Variants in DNAH11 observed in about 807,000 individuals in gnomAD.
DNAH11 encodes the protein axonemal beta dynein heavy chain 11.
Under a neutral mutation model 526.0 loss-of-function variants are expected in DNAH11, and 442 were observed. The observed-to-expected ratio is 0.84, with a 90% CI of 0.78 to 0.91. The LOEUF is 0.91. Ranked by LOEUF, DNAH11 falls within the 40% of genes least tolerant of loss-of-function variation. The pLI is 0.00. For synonymous variants in DNAH11, 2,461 were observed against 1,935.9 expected (o/e 1.27, Z -7.12); for missense variants, 6,989 against 5,448.7 (o/e 1.28, Z -8.90).
At chr7:21,567,494 A>G (rs1314066045) in intron 6 of DNAH11, among the ~76,000 whole-genome samples, 2 of 152,188 alleles carry the variant, frequency 1.3e-5, no homozygotes, top group Non-Finnish European at 1.5e-5. Flanking sequence ...CTTAAATTGG[A>G]TAGATCTCAT....
At chr7:21,810,476 A>G (rs1189342527) in intron 63 of DNAH11, among the ~76,000 whole-genome samples, 1 of 152,218 alleles carries the variant, frequency 6.6e-6, no homozygotes, top group African/African-American at 2.4e-5. Flanking sequence ...ACTTTAGGGA[A>G]GTAGGAAAAT....
At chr7:21,624,398 G>T (rs1465629384) in intron 25 of DNAH11, among the ~76,000 whole-genome samples, 1 of 152,106 alleles carries the variant, frequency 6.6e-6, no homozygotes, top group Non-Finnish European at 1.5e-5. Context: ...TGATTTTTGT[G>T]TGTTGGTTTT....
intron 61 of DNAH11, among the ~76,000 whole-genome samples, chr7:21,798,228 T>G (rs1477298062): frequency 6.6e-6 from 1 of 152,168 alleles, no homozygotes; most frequent in South Asian, 2.1e-4. Context: ...CCTGGGTAGC[T>G]GGATTACAGG....
chr7:21,746,706 C>T (rs1786167176), intron 51 of DNAH11, among the ~76,000 whole-genome samples: 1 of 152,160 alleles, frequency 6.6e-6, no homozygotes, highest in South Asian at 2.1e-4. Flanking sequence ...GGCCCTAGAA[C>T]CTACAAAAAT....
intron 2 of DNAH11, among the ~76,000 whole-genome samples, chr7:21,557,018 T>A (rs1783246648): frequency 6.6e-6 from 1 of 151,890 alleles, no homozygotes; most frequent in Non-Finnish European, 1.5e-5. Flanking sequence ...ACCCGAGATC[T>A]TGCCACTGCA....
chr7:21,791,503 G>A (rs1788477558), intron 61 of DNAH11, among the ~76,000 whole-genome samples: 1 of 152,192 alleles, frequency 6.6e-6, no homozygotes, highest in Non-Finnish European at 1.5e-5. Context: ...TGCAAAGATA[G>A]TGTCCTGATG....
intron 68 of DNAH11, among the ~76,000 whole-genome samples, chr7:21,860,535 A>G (rs769397954): frequency 3.3e-5 from 5 of 152,238 alleles, no homozygotes; most frequent in Non-Finnish European, 7.3e-5. Flanking sequence ...CAAAAGGTGG[A>G]AGCAACCCAG....
chr7:21,630,123 A>G (rs1786533683), intron 25 of DNAH11, among the ~76,000 whole-genome samples: 2 of 152,100 alleles, frequency 1.3e-5, no homozygotes, highest in Non-Finnish European at 2.9e-5. Flanking sequence ...GAAAAACTAT[A>G]CCAAGTTATT....
At chr7:21,898,774 G>A (rs73683007) in intron 79 of DNAH11, among the ~76,000 whole-genome samples, 12,384 of 152,228 alleles carry the variant, frequency 0.081, 625 homozygotes, top group African/African-American at 0.15. Flanking sequence ...ACCCACCGGC[G>A]TGCCATTCCT....
At chr7:21,774,074 T>C (rs1787556038) in intron 56 of DNAH11, 75 bp downstream of exon 56, 2 of 1,285,408 alleles carry the variant, frequency 1.6e-6, no homozygotes, top group Admixed American at 5.7e-5. Context: ...TTTGAAGCAC[T>C]ACTAAATCCA....
chr7:21,677,766 T>C (rs1390237045), intron 30 of DNAH11, among the ~76,000 whole-genome samples: 2 of 152,218 alleles, frequency 1.3e-5, no homozygotes, highest in African/African-American at 2.4e-5. Flanking sequence ...TTTTTTATTA[T>C]AGCCAGTGTA....
chr7:21,603,778 T>C (rs1333725374), intron 18 of DNAH11, among the ~76,000 whole-genome samples: 2 of 152,196 alleles, frequency 1.3e-5, no homozygotes, highest in African/African-American at 4.8e-5. Context: ...AGATATTCCT[T>C]GAATCAGATG....
intron 25 of DNAH11, among the ~76,000 whole-genome samples, chr7:21,631,980 G>A (rs1280187058): frequency 2.0e-5 from 3 of 152,214 alleles, no homozygotes; most frequent in Admixed American, 6.5e-5. Flanking sequence ...ACTTCTGCCT[G>A]GGCATCCAGG....
At chr7:21,702,241 G>A (rs963176766) in intron 36 of DNAH11, among the ~76,000 whole-genome samples, 8 of 152,238 alleles carry the variant, frequency 5.3e-5, no homozygotes, top group Admixed American at 3.9e-4. Flanking sequence ...ATTATGTGCT[G>A]GCATCTAGGC....
chr7:21,660,912 C>G (rs189715321), intron 30 of DNAH11, among the ~76,000 whole-genome samples: 16 of 152,176 alleles, frequency 1.1e-4, no homozygotes, highest in African/African-American at 3.9e-4. Flanking sequence ...CAGATCCACA[C>G]TAAAAGTGAC....
At chr7:21,646,935 T>C (rs1010790785) in intron 28 of DNAH11, among the ~76,000 whole-genome samples, 4 of 152,210 alleles carry the variant, frequency 2.6e-5, no homozygotes, top group Non-Finnish European at 5.9e-5. Flanking sequence ...CATTAAAGTT[T>C]ACTGAGCATG....
intron 42 of DNAH11, 33 bp downstream of exon 42, chr7:21,711,893 T>C (rs757860573): frequency 1.0e-4 from 162 of 1,570,264 alleles, no homozygotes; most frequent in Non-Finnish European, 1.3e-4. Context: ...TTGTAGTAAA[T>C]TGTATGTAAC....
At chr7:21,828,155 G>A (rs1156687360) in intron 65 of DNAH11, among the ~76,000 whole-genome samples, 2 of 152,076 alleles carry the variant, frequency 1.3e-5, no homozygotes, top group Non-Finnish European at 2.9e-5. Flanking sequence ...CACTATGTTG[G>A]TCAGGCTGGT....
At chr7:21,684,078 G>C (rs1783265676) in intron 32 of DNAH11, 134 bp downstream of exon 32, 7 of 927,134 alleles carry the variant, frequency 7.6e-6, no homozygotes, top group African/African-American at 3.3e-5. Context: ...AATTGAATTA[G>C]AGAAACAGAG....
Sources: allele counts gnomAD v4.1 joint callset (sites outside exome capture counted in the v4.1 genomes callset), GRCh38; gene constraint gnomAD v4.1.1; transcripts MANE v1.5; gene names NCBI Gene and HGNC (gene_info 2026-07-23, HGNC 2026-07-21).